GLT1D1: variants seen among roughly 807,000 people sequenced by gnomAD.
GLT1D1 encodes the protein glycosyltransferase 1 domain-containing protein 1.
Under a neutral mutation model 28.7 loss-of-function variants are expected in GLT1D1, and 21 were observed. The observed-to-expected ratio is 0.73, with a 90% CI of 0.52 to 1.05. GLT1D1 has a LOEUF of 1.05. GLT1D1 is among the 50% of genes least tolerant of loss of function. GLT1D1 has a pLI of 0.00. For synonymous variants in GLT1D1, 147 were observed against 124.8 expected, an observed-to-expected ratio of 1.18 and a Z score of -1.19; for missense variants, 343 against 330.6, an observed-to-expected ratio of 1.04 and a Z score of -0.29.
Position 128,943,753 on chromosome 12 carries a change from G to A in GLT1D1, c.376-1573G>A, listed in dbSNP as rs112896804. Among the ~76,000 whole-genome samples the A allele has an allele frequency of 2.6e-4, 39 of 152,276 alleles. No homozygotes were observed. The East Asian group carries it at 6.2e-3, about 24-fold the overall frequency. On this transcript the variant is annotated intron_variant, in intron 4 of 7. Transcript: ENST00000281703. The stretch of plus-strand genomic sequence containing the variant: ...GCATACACATTTCTTAGTAGCAGAG[G>A]ATTTGTGTCTTACAACAAATCTGTA...
rs933257633 is a variant in GLT1D1 at position 128,941,080 on chromosome 12, T to A, written c.376-4246T>A. Reference sequence around the variant, plus strand: ...ATTTCATAGACATGGAATCATACACTCTGTGGTCTTTCCTGTCTGGTGTAA... The same window carrying A: ...ATTTCATAGACATGGAATCATACACACTGTGGTCTTTCCTGTCTGGTGTAA... On this transcript the variant is annotated intron_variant, in intron 4 of 7. Transcript: ENST00000281703. 7.9e-5 allele frequency among the ~76,000 whole-genome samples: 12 copies of A among 152,178 alleles called. 1 individual carries two copies. Among genetic ancestry groups the A allele is most frequent in the Admixed American group, 3.3e-4 (5 of 15,270 alleles).
At chr12:128,915,515 C>T (rs530372089) in intron 4 of GLT1D1, among the ~76,000 whole-genome samples, 2 of 152,112 alleles carry the variant, frequency 1.3e-5, no homozygotes, top group African/African-American at 4.8e-5. Flanking sequence ...CATGCATGCG[C>T]CACCATGCCT....
At chr12:128,881,552 AAAAAAAAAAATATATAT>A (rs1957050425) in intron 2 of GLT1D1, among the ~76,000 whole-genome samples, 2 of 74,690 alleles carry the variant, frequency 2.7e-5, no homozygotes, top group Admixed American at 1.8e-4. Flanking sequence ...AAAAAAAAAA[AAAAAAAAAAATATATAT>A]ATATATATAT....
At chr12:128,877,305 A>G (rs1346123983) in intron 2 of GLT1D1, among the ~76,000 whole-genome samples, 1 of 152,240 alleles carries the variant, frequency 6.6e-6, no homozygotes, top group Non-Finnish European at 1.5e-5. Flanking sequence ...ATGTCATTGG[A>G]GGATCAAAAT....
chr12:128,896,959 CAT>C (rs768073705), intron 3 of GLT1D1, among the ~76,000 whole-genome samples: 34 of 152,156 alleles, frequency 2.2e-4, no homozygotes, highest in Non-Finnish European at 4.3e-4. Flanking sequence ...ACGCTACGAA[CAT>C]GTGAATATAT....
chr12:128,891,543 T>C (rs535789025), intron 3 of GLT1D1, among the ~76,000 whole-genome samples: 1 of 152,296 alleles, frequency 6.6e-6, no homozygotes, highest in East Asian at 1.9e-4. Flanking sequence ...AGCCATTAAT[T>C]TTCTGTGGCT....
intron 7 of GLT1D1, among the ~76,000 whole-genome samples, chr12:128,967,201 A>ATT (rs199674791): frequency 0.058 from 8,842 of 152,292 alleles, 846 homozygotes; most frequent in African/African-American, 0.2. Context: ...ATTTATCCAG[A>ATT]ATGGGCTGGG....
intron 2 of GLT1D1, among the ~76,000 whole-genome samples, chr12:128,885,366 G>T (rs544451096): frequency 6.6e-6 from 1 of 152,180 alleles, no homozygotes; most frequent in East Asian, 1.9e-4. Flanking sequence ...GGGATTAAAG[G>T]CATGTGCTAC....
chr12:128,879,378 T>TTCCTTCCTTCCTTCCTTTC (rs200811517), intron 2 of GLT1D1, among the ~76,000 whole-genome samples: 1 of 69,894 alleles, frequency 1.4e-5, no homozygotes. Context: ...ATTTTTTTCT[T>TTCCTTCCTTCCTTCCTTTC]TTTCTTTCTT....
At chr12:128,869,481 G>T (rs1956630392) in intron 1 of GLT1D1, among the ~76,000 whole-genome samples, 1 of 151,642 alleles carries the variant, frequency 6.6e-6, no homozygotes, top group Non-Finnish European at 1.5e-5. Flanking sequence ...CATCTATTTT[G>T]AAATAAATTA....
intron 4 of GLT1D1, among the ~76,000 whole-genome samples, chr12:128,904,872 G>A (rs895063993): frequency 6.6e-6 from 1 of 152,128 alleles, no homozygotes; most frequent in Non-Finnish European, 1.5e-5. Context: ...AACCTCAGGC[G>A]ATCCACCTGC....
chr12:128,887,073 G>A (rs1003797320), intron 2 of GLT1D1, among the ~76,000 whole-genome samples: 7 of 151,174 alleles, frequency 4.6e-5, no homozygotes, highest in Non-Finnish European at 7.4e-5. Flanking sequence ...GTGCGGTGGC[G>A]TGATCTCAGC....
chr12:128,926,723 T>A (rs908670534), intron 4 of GLT1D1, among the ~76,000 whole-genome samples: 1 of 152,226 alleles, frequency 6.6e-6, no homozygotes, highest in African/African-American at 2.4e-5. Flanking sequence ...AGGACTAAAA[T>A]AATTTTACCT....
intron 2 of GLT1D1, among the ~76,000 whole-genome samples, chr12:128,876,697 T>A (rs1307819883): frequency 6.6e-6 from 1 of 152,242 alleles, no homozygotes; most frequent in African/African-American, 2.4e-5. Context: ...AAAGATGTTG[T>A]TCAACCCATC....
At chr12:128,876,095 A>G (rs764596277) in intron 2 of GLT1D1, 33 bp downstream of exon 2, 7 of 1,573,984 alleles carry the variant, frequency 4.4e-6, no homozygotes, top group Non-Finnish European at 6.0e-6. Context: ...GTAAAACACT[A>G]GAAATTCTGA....
chr12:128,975,971 G>T (rs893926659), intron 7 of GLT1D1, among the ~76,000 whole-genome samples: 1 of 152,186 alleles, frequency 6.6e-6, no homozygotes, highest in South Asian at 2.1e-4. Context: ...AACAATCAAC[G>T]TACGCTGGCA....
intron 1 of GLT1D1, among the ~76,000 whole-genome samples, chr12:128,861,615 G>A (rs904157540): frequency 1.4e-4 from 22 of 152,174 alleles, no homozygotes; most frequent in African/African-American, 4.6e-4. Context: ...TTGGTGCAGC[G>A]GGGTGGTGAC....
intron 3 of GLT1D1, among the ~76,000 whole-genome samples, chr12:128,898,213 C>T (rs1378508650): frequency 6.6e-6 from 1 of 151,818 alleles, no homozygotes; most frequent in Non-Finnish European, 1.5e-5. Context: ...TCCTCTGTCA[C>T]CCAAGCTGGA....
intron 4 of GLT1D1, among the ~76,000 whole-genome samples, chr12:128,919,920 G>T (rs1301120886): frequency 1.3e-5 from 2 of 148,936 alleles, no homozygotes; most frequent in Non-Finnish European, 1.5e-5. Flanking sequence ...CTGTTTTATT[G>T]TATTTCTAGT....
Sources: allele counts gnomAD v4.1 joint callset (sites outside exome capture counted in the v4.1 genomes callset), GRCh38; gene constraint gnomAD v4.1.1; transcripts MANE v1.5; gene names NCBI Gene and HGNC (gene_info 2026-07-23, HGNC 2026-07-21).